The following KIAA1328 variants were observed in gnomAD, a reference collection of about 807,000 sequenced individuals.
KIAA1328 encodes KIAA1328.
Under a neutral mutation model 68.1 loss-of-function variants are expected in KIAA1328, and 52 were observed. That is an observed-to-expected ratio of 0.76 (90% CI 0.61 to 0.96). The LOEUF (loss-of-function observed/expected upper bound fraction) is 0.96. Among genes scored for constraint, KIAA1328 ranks in the 40% least tolerant of loss-of-function variants. KIAA1328 has a pLI of 0.00. For synonymous variants in KIAA1328, 232 were observed against 239.4 expected (o/e 0.97, Z 0.28); for missense variants, 641 against 677.6 (o/e 0.95, Z 0.60).
intron 5 of KIAA1328, among the ~76,000 whole-genome samples, chr18:36,912,469 A>G (rs1337587500): frequency 6.6e-6 from 1 of 152,136 alleles, no homozygotes; most frequent in African/African-American, 2.4e-5. Context: ...TACCCAGATA[A>G]TCTTCTCATT....
At chr18:36,952,989 C>T (rs1440440389) in intron 5 of KIAA1328, among the ~76,000 whole-genome samples, 1 of 149,584 alleles carries the variant, frequency 6.7e-6, no homozygotes, top group Non-Finnish European at 1.5e-5. Context: ...AAGCAAACAA[C>T]AAAAACCAAA....
intron 6 of KIAA1328, among the ~76,000 whole-genome samples, chr18:37,049,443 G>T (rs1198255863): frequency 6.6e-6 from 1 of 151,834 alleles, no homozygotes; most frequent in Non-Finnish European, 1.5e-5. Flanking sequence ...ATCTTCCCTT[G>T]TTTTTTTTAC....
chr18:36,971,088 G>T (rs1398152798), intron 6 of KIAA1328, among the ~76,000 whole-genome samples: 2 of 152,128 alleles, frequency 1.3e-5, no homozygotes, highest in Non-Finnish European at 1.5e-5. Context: ...GCATGGTACT[G>T]GTACCAAAGC....
chr18:37,204,496 T>G (rs1219156866), intron 9 of KIAA1328, among the ~76,000 whole-genome samples: 1 of 152,172 alleles, frequency 6.6e-6, no homozygotes, highest in East Asian at 1.9e-4. Context: ...TTTAAGTTTT[T>G]AGTCATAAAA....
chr18:37,022,468 T>A (rs1157630211), intron 6 of KIAA1328, among the ~76,000 whole-genome samples: 2 of 152,176 alleles, frequency 1.3e-5, no homozygotes, highest in African/African-American at 4.8e-5. Context: ...ACCTACATGA[T>A]CCTTTTGGAA....
intron 1 of KIAA1328, chr18:36,829,404 G>C: frequency 7.4e-7 from 1 of 1,350,768 alleles, no homozygotes; most frequent in Non-Finnish European, 9.4e-7. Flanking sequence ...GCAGGTGTGG[G>C]GACACGGCTC....
chr18:37,103,928 C>T (rs2057698102), intron 7 of KIAA1328, among the ~76,000 whole-genome samples: 2 of 151,956 alleles, frequency 1.3e-5, no homozygotes, highest in African/African-American at 2.4e-5. Flanking sequence ...TACTCAGCAT[C>T]ACTAATCATC....
chr18:37,136,159 G>C (rs2058639474), intron 7 of KIAA1328, among the ~76,000 whole-genome samples: 1 of 152,114 alleles, frequency 6.6e-6, no homozygotes, highest in African/African-American at 2.4e-5. Flanking sequence ...ACGTAGGCTG[G>C]TCCTTACCTT....
At chr18:37,187,197 G>A (rs2059819920) in intron 9 of KIAA1328, among the ~76,000 whole-genome samples, 1 of 152,028 alleles carries the variant, frequency 6.6e-6, no homozygotes, top group African/African-American at 2.4e-5. Flanking sequence ...GTGTTGCTTG[G>A]AACCCACCCC....
chr18:37,146,083 T>G (rs1454519023), intron 7 of KIAA1328, among the ~76,000 whole-genome samples: 1 of 151,092 alleles, frequency 6.6e-6, no homozygotes, highest in African/African-American at 2.5e-5. Context: ...AGGATAATAC[T>G]TTTTTTTTCG....
intron 4 of KIAA1328, 113 bp downstream of exon 4, chr18:36,844,415 A>G: frequency 1.7e-6 from 1 of 600,860 alleles, no homozygotes; most frequent in Non-Finnish European, 2.6e-6. Context: ...TATGGTAGCA[A>G]AGAGTTTTGG....
intron 7 of KIAA1328, among the ~76,000 whole-genome samples, chr18:37,070,531 A>G (rs1049637684): frequency 1.9e-4 from 29 of 150,250 alleles, no homozygotes; most frequent in African/African-American, 7.1e-4. Flanking sequence ...TTCTTGGTAG[A>G]TCGACCATCT....
chr18:36,977,751 A>C (rs2052526366), intron 6 of KIAA1328, among the ~76,000 whole-genome samples: 2 of 152,094 alleles, frequency 1.3e-5, no homozygotes, highest in South Asian at 4.1e-4. Context: ...GCATATAGTC[A>C]TACTCACTGT....
intron 7 of KIAA1328, among the ~76,000 whole-genome samples, chr18:37,133,061 G>A (rs1203953144): frequency 3.9e-5 from 6 of 152,154 alleles, no homozygotes; most frequent in East Asian, 3.8e-4. Flanking sequence ...GTGGCCAGGC[G>A]CGATGACTCA....
intron 4 of KIAA1328, among the ~76,000 whole-genome samples, chr18:36,861,994 G>A (rs1466423310): frequency 6.6e-6 from 1 of 151,900 alleles, no homozygotes; most frequent in Non-Finnish European, 1.5e-5. Context: ...TCTAATCCAG[G>A]ACTCACCAAA....
rs1422089474 is a variant in KIAA1328, at chr18:37,182,575, G to A, written c.1523+9494G>A. On this transcript the variant is annotated intron_variant, in intron 9 of 9. Coordinates refer to ENST00000280020, the MANE Select transcript of KIAA1328 (RefSeq NM_020776.3). ...AGTTGTCATTATAGAACTTCCCAGG[G>A]TCACTCAAGCAATCAGGAACAAGCT... is the stretch of plus-strand genomic sequence containing the variant. Among the ~76,000 whole-genome samples the A allele has an allele frequency of 2.0e-5, 3 of 152,094 alleles. No homozygotes were observed. The East Asian group carries it at 5.8e-4, about 29-fold the overall frequency.
chr18:37,045,371 C>T (rs766888131), intron 6 of KIAA1328, among the ~76,000 whole-genome samples: 65 of 152,116 alleles, frequency 4.3e-4, no homozygotes, highest in Non-Finnish European at 7.4e-4. Flanking sequence ...TAATGATTTA[C>T]ATTTAAGGTC....
At chr18:37,165,320 T>G (rs1475202144) in intron 8 of KIAA1328, among the ~76,000 whole-genome samples, 1 of 152,198 alleles carries the variant, frequency 6.6e-6, no homozygotes, top group Admixed American at 6.5e-5. Context: ...AAAGTAGACT[T>G]CCATGCCTTG....
At chr18:36,897,274 T>C (rs2048895691) in intron 5 of KIAA1328, among the ~76,000 whole-genome samples, 1 of 152,098 alleles carries the variant, frequency 6.6e-6, no homozygotes, top group Non-Finnish European at 1.5e-5. Context: ...GAAAGAATTC[T>C]TCCATCAGAA....
Sources: gnomAD v4.1 joint callset for allele counts (sites outside exome capture counted in the v4.1 genomes callset) on GRCh38, gnomAD v4.1.1 for gene constraint, MANE v1.5 for transcripts, NCBI Gene and HGNC (gene_info 2026-07-23, HGNC 2026-07-21) for gene names.